IMPG2: variants seen among roughly 807,000 people sequenced by gnomAD.
The protein encoded by IMPG2 is interphotoreceptor matrix proteoglycan 2, also known as IPM 200.
A neutral mutation model predicts 129.2 loss-of-function variants in IMPG2; 91 were observed. The observed-to-expected ratio is 0.70, with a 90% confidence interval of 0.59 to 0.84. IMPG2 has a LOEUF of 0.84. Among genes scored for constraint, IMPG2 ranks in the 40% least tolerant of loss-of-function variants. The pLI, the probability that IMPG2 is intolerant of heterozygous loss-of-function variation, is 0.00. For synonymous variants in IMPG2, 510 were observed against 517.7 expected (o/e 0.99, Z 0.20); for missense variants, 1,430 against 1,461.7 (o/e 0.98, Z 0.35).
chr3:101,275,909 C>A (rs552127855), intron 5 of IMPG2, among the ~76,000 whole-genome samples, 164 bp from the exon 6 acceptor site: 16 of 152,142 alleles, frequency 1.1e-4, no homozygotes, highest in Non-Finnish European at 1.8e-4. Flanking sequence ...TTGTATGGAG[C>A]CTTCTCAGAA....
Position 101,273,944 on chromosome 3 carries a change from T to C in IMPG2, c.667-202A>G, listed in dbSNP as rs551646978. 2.7e-3 allele frequency among the ~76,000 whole-genome samples: 408 copies of C among 152,288 alleles called. 2 individuals are homozygous for C. Among genetic ancestry groups the C allele is most frequent in the African/African-American group, 9.6e-3 (397 of 41,570 alleles). On this transcript the variant is annotated intron_variant, in intron 6 of 18. Coordinates refer to ENST00000193391, the MANE Select transcript of IMPG2 (RefSeq NM_016247.4). Reference sequence around the variant, plus strand: ...CAGGAGAAGTGGCTCACACCTGTAATCTCAGCACTTTGGGAGGCCGAGGTG... The same window carrying C: ...CAGGAGAAGTGGCTCACACCTGTAACCTCAGCACTTTGGGAGGCCGAGGTG...
chr3:101,229,631 G>A (rs1163709421), intron 16 of IMPG2, 41 bp from the exon 17 acceptor site: 1 of 1,541,348 alleles, frequency 6.5e-7, no homozygotes, highest in East Asian at 2.3e-5. Flanking sequence ...TTGTTTGGAT[G>A]CTCAACTATG....
rs145503379 is a variant in IMPG2 at position 101,302,926 on chromosome 3, G to A, written c.501+1220C>T. Among the ~76,000 whole-genome samples, 948 of 151,958 alleles carry A rather than the reference G, an allele frequency of 6.2e-3. 11 individuals are homozygous for A. The highest frequency in any genetic ancestry group is 0.021 in the African/African-American group (883 of 41,418). ...ATCAAACCATCCTTCTCTCCCCAAC[G>A]TCCCCCATTTAATAAGATCATTCCT... On this transcript the variant is annotated intron_variant, in intron 3 of 18. Coordinates refer to ENST00000193391, the MANE Select transcript of IMPG2 (RefSeq NM_016247.4).
chr3:101,312,034 A>G (rs900865183), intron 2 of IMPG2, among the ~76,000 whole-genome samples: 2 of 151,492 alleles, frequency 1.3e-5, no homozygotes, highest in Non-Finnish European at 3.0e-5. Context: ...ACAAAAAAAA[A>G]TCAACTCAAA....
intron 15 of IMPG2, among the ~76,000 whole-genome samples, chr3:101,232,072 G>A (rs1286881446): frequency 6.6e-6 from 1 of 152,086 alleles, no homozygotes; most frequent in Non-Finnish European, 1.5e-5. Context: ...TATAATTCAA[G>A]TATAACAATA....
chr3:101,241,844 A>G (rs1323337525), intron 14 of IMPG2, among the ~76,000 whole-genome samples: 2 of 152,066 alleles, frequency 1.3e-5, no homozygotes, highest in East Asian at 1.9e-4. Context: ...CCTAGCCAAC[A>G]TGGAGAAACT....
chr3:101,245,964 T>C lies in IMPG2; in HGVS notation c.1381A>G (p.Thr461Ala). ...TTCGAGGGAAAGGCTAATTTGTGTG[T>C]AGACACTAAATCACCCAAAGGACTT... is the stretch of plus-strand genomic sequence containing the variant. Reference protein sequence around the residue: ...SESPLGDLVSTHKLAFPSKMG... With the variant: ...SESPLGDLVSAHKLAFPSKMG... Residue 461 changes from threonine (T) to alanine (A), a missense_variant, in exon 12 of 19, where the codon ACA becomes GCA. Thr to Ala is a moderately conservative substitution (Grantham distance 58). Coordinates refer to ENST00000193391, the MANE Select transcript of IMPG2 (RefSeq NM_016247.4). 6.2e-7 allele frequency: 1 copy of C among 1,614,146 alleles called. No individual in the cohort carries two copies. The highest frequency in any genetic ancestry group is 8.5e-7 in the Non-Finnish European group (1 of 1,180,014).
chr3:101,248,400 C>T (rs952347380), intron 11 of IMPG2, among the ~76,000 whole-genome samples: 4 of 152,200 alleles, frequency 2.6e-5, no homozygotes, highest in South Asian at 2.1e-4. Context: ...TCCATTAAAC[C>T]TCTTTCTTTT....
intron 8 of IMPG2, 80 bp downstream of exon 8, chr3:101,269,435 T>C (rs1397868649): frequency 3.7e-6 from 3 of 819,844 alleles, no homozygotes; most frequent in Non-Finnish European, 4.3e-6. Context: ...TGTTAGAATA[T>C]GTGTGATAAA....
chr3:101,243,549 C>T lies in IMPG2; in HGVS notation c.2782G>A (p.Glu928Lys). 1 of 1,613,774 alleles carries T rather than the reference C, an allele frequency of 6.2e-7. No homozygotes were observed. The highest frequency in any genetic ancestry group is 8.5e-7 in the Non-Finnish European group (1 of 1,179,894). ...NKNSLEYKAL[E>K]QRFLELLVPY... ...CTTACCAATTCTAAGAATCTTTGCT[C>T]CAGGGCTTTATACTCCAAGGAGTTT... Residue 928 changes from glutamate to lysine, a missense_variant, in exon 13 of 19, where the codon GAG becomes AAG. By Grantham distance (56) the Glu-to-Lys change is moderately conservative. Coordinates refer to ENST00000193391, the MANE Select transcript of IMPG2 (RefSeq NM_016247.4).
intron 18 of IMPG2, 113 bp from the exon 19 acceptor site, chr3:101,227,094 T>C: frequency 8.2e-7 from 1 of 1,216,150 alleles, no homozygotes; most frequent in Non-Finnish European, 1.2e-6. Flanking sequence ...ATACTTTCTA[T>C]TTTTTTCTTT....
chr3:101,273,427 C>T (rs1232931192), intron 7 of IMPG2, among the ~76,000 whole-genome samples, 154 bp downstream of exon 7: 2 of 152,174 alleles, frequency 1.3e-5, no homozygotes, highest in Admixed American at 6.5e-5. Context: ...TATGACTTTT[C>T]ACAGAGTTTT....
chr3:101,246,206 G>A (rs1706476553), intron 11 of IMPG2, 101 bp from the exon 12 acceptor site: 2 of 1,099,958 alleles, frequency 1.8e-6, no homozygotes, highest in African/African-American at 1.6e-5. Context: ...ATCTTCTAGG[G>A]ACAAGGAGGC....
At chr3:101,310,559 C>CAAAAAAAAAAAAAA (rs199570786) in intron 2 of IMPG2, among the ~76,000 whole-genome samples, 1 of 126,504 alleles carries the variant, frequency 7.9e-6, no homozygotes, top group African/African-American at 3.4e-5. Flanking sequence ...GACCCTGTCT[C>CAAAAAAAAAAAAAA]AAAAAAAAAA....
chr3:101,262,770 C>CAAAAAAAAAAA (rs200218148), intron 9 of IMPG2, among the ~76,000 whole-genome samples: 3 of 130,478 alleles, frequency 2.3e-5, no homozygotes, highest in African/African-American at 2.8e-5. Flanking sequence ...GAAAGGATAA[C>CAAAAAAAAAAA]AAAAAAAAAA....
chr3:101,262,639 G>A (rs1706681932), intron 9 of IMPG2, among the ~76,000 whole-genome samples: 1 of 151,166 alleles, frequency 6.6e-6, no homozygotes, highest in Non-Finnish European at 1.5e-5. Flanking sequence ...AAGAAATAAG[G>A]AACAAAGAAT....
chr3:101,248,296 C>A (rs1299555464), intron 11 of IMPG2, among the ~76,000 whole-genome samples: 3 of 152,140 alleles, frequency 2.0e-5, no homozygotes, highest in Non-Finnish European at 4.4e-5. Context: ...AGTTTCCCTG[C>A]ACAAGAGCTC....
intron 2 of IMPG2, among the ~76,000 whole-genome samples, chr3:101,308,718 T>C (rs927924046): frequency 6.6e-6 from 1 of 152,268 alleles, no homozygotes; most frequent in Non-Finnish European, 1.5e-5. Flanking sequence ...TATTACTACT[T>C]ATGCAAATTT....
intron 11 of IMPG2, 27 bp downstream of exon 11, chr3:101,253,669 G>A (rs761311924): frequency 6.6e-7 from 1 of 1,518,294 alleles, no homozygotes; most frequent in Admixed American, 1.7e-5. Context: ...TGAGGGCCTG[G>A]TTCTAGCATA....
Sources: allele counts gnomAD v4.1 joint callset (sites outside exome capture counted in the v4.1 genomes callset), GRCh38; gene constraint gnomAD v4.1.1; transcripts MANE v1.5; gene names NCBI Gene and HGNC (gene_info 2026-07-23, HGNC 2026-07-21).